The following ILF2 variants were observed in gnomAD, a reference collection of about 807,000 sequenced individuals.
The protein encoded by ILF2 is interleukin enhancer binding factor 2.
ILF2 carries 9 observed loss-of-function variants against 55.3 expected under a neutral mutation model. That is an observed-to-expected ratio of 0.16 (90% confidence interval 0.10 to 0.28). ILF2 has a LOEUF of 0.28. ILF2 is among the 10% of genes least tolerant of loss of function. The probability of loss-of-function intolerance (pLI) is 1.00; values close to 1 mark genes in which losing one functional copy is unlikely to be tolerated. For missense variants in ILF2, 266 were observed against 474.9 expected, an observed-to-expected ratio of 0.56 and a Z score of 4.09; for synonymous variants, 151 against 161.8, an observed-to-expected ratio of 0.93 and a Z score of 0.50.
intron 2 of ILF2, 77 bp downstream of exon 2, chr1:153,670,094 T>C: frequency 6.8e-7 from 1 of 1,461,950 alleles, no homozygotes; most frequent in Non-Finnish European, 9.6e-7. Flanking sequence ...GTGACATTAG[T>C]CTACTCTAAA....
chr1:153,664,154 A>G, intron 9 of ILF2, 24 bp from the exon 10 acceptor site: 1 of 1,428,458 alleles, frequency 7.0e-7, no homozygotes, highest in Non-Finnish European at 9.9e-7. Context: ...TGACCCAAAC[A>G]TTAAAATCAA....
rs762017351 is a variant in ILF2, at chr1:153,665,696, C to T, written c.427G>A (p.Val143Met). Residue 143 changes from valine (V) to methionine (M), a missense_variant, in exon 7 of 14, where the codon GTG becomes ATG. Physicochemically the swap from Val to Met is conservative, Grantham distance 21. Coordinates refer to ENST00000361891, the MANE Select transcript of ILF2 (RefSeq NM_004515.4). ...EAVAALGNKV[V>M]ESLRAQDPSE... ...GGATCCTGTGCTCTTAGGCTTTCCA[C>T]GACTTTGTTCCCCAGGGCAGCAACA... is the stretch of plus-strand genomic sequence containing the variant. 2.5e-6 allele frequency: 4 copies of T among 1,612,470 alleles called. No individual in the cohort carries two copies. Among genetic ancestry groups the T allele is most frequent in the East Asian group, 2.2e-5 (1 of 44,892 alleles).
Position 153,662,473 on chromosome 1 carries a change from CCTT to C in ILF2, c.1093_1095del (p.Lys365del). 6.2e-7 allele frequency: 1 copy of C among 1,613,694 alleles called. No individual in the cohort carries two copies. On this transcript the variant is annotated inframe_deletion, in exon 14 of 14. Transcript: ENST00000361891. ...GTATTCTCCTCTTCTTCCTCTCCTT[CCTT>C]CTTCTCTGGTGGCTTCTCATAAGCC...
chr1:153,666,855 C>T (rs568160856), intron 6 of ILF2, among the ~76,000 whole-genome samples: 3 of 152,360 alleles, frequency 2.0e-5, no homozygotes, highest in Middle Eastern at 6.8e-3. Flanking sequence ...GGTGCAGTGG[C>T]TCACGCCTGT....
intron 1 of ILF2, 58 bp downstream of exon 1, chr1:153,670,860 C>G: frequency 6.2e-7 from 1 of 1,608,980 alleles, no homozygotes; most frequent in Non-Finnish European, 8.5e-7. Context: ...TTTCGGCCCA[C>G]GTTCACAAAG....
chr1:153,662,842 T>C, intron 12 of ILF2, 47 bp from the exon 13 acceptor site: 1 of 1,495,920 alleles, frequency 6.7e-7, no homozygotes, highest in Non-Finnish European at 9.3e-7. Flanking sequence ...CAAAGGACCT[T>C]ATTTGAGTAA....
Position 153,663,124 on chromosome 1 carries a change from C to A in ILF2, c.816G>T (p.Leu272Phe). 1 of 1,614,124 alleles carries A rather than the reference C, an allele frequency of 6.2e-7. No individual in the cohort carries two copies. The highest frequency in any genetic ancestry group is 8.5e-7 in the Non-Finnish European group (1 of 1,180,004). Residue 272 changes from leucine to phenylalanine, a missense_variant, in exon 12 of 14, where the codon TTG (leucine) becomes TTT (phenylalanine). Physicochemically the swap from Leu to Phe is conservative, Grantham distance 22. Coordinates refer to ENST00000361891, the MANE Select transcript of ILF2 (RefSeq NM_004515.4). ...LALNVAYRRC[L>F]QILAAGLFLP... ...GGAACAGTCCTGCAGCCAGAATCTG[C>A]AAGCAGCGCCTAGAACACAGGGAGG...
Position 153,662,548 on chromosome 1 carries a change from A to T in ILF2, c.1021T>A (p.Ser341Thr), listed in dbSNP as rs2101711156. ...GQEGDASYLA[S>T]EISTWDGVIV... ...ACTCCATCCCAGGTAGATATTTCAG[A>T]AGCAAGATCTAGGAAAGAGAAAAAG... The change falls in exon 14 of 14, where the codon TCT becomes ACT. Residue 341 changes from serine (S) to threonine (T), a missense_variant. Transcript: ENST00000361891. The T allele has an allele frequency of 6.2e-7, 1 of 1,613,840 alleles. No homozygotes were observed. Among genetic ancestry groups the T allele is most frequent in the Admixed American group, 1.7e-5 (1 of 60,014 alleles).
chr1:153,664,781 C>A (rs1669266120), intron 8 of ILF2, among the ~76,000 whole-genome samples: 1 of 152,210 alleles, frequency 6.6e-6, no homozygotes, highest in Admixed American at 6.5e-5. Flanking sequence ...TGGTCTCCAA[C>A]TCCTGACCTC....
rs745682200 is a variant in ILF2, at chr1:153,670,909, C to T, written c.5+9G>A. The T allele has an allele frequency of 3.7e-6, 6 of 1,614,212 alleles. No individual in the cohort carries two copies. In the East Asian group the frequency reaches 1.3e-4, roughly 36 times the overall value. On this transcript the variant is annotated intron_variant, in intron 1 of 13. Coordinates refer to ENST00000361891, the MANE Select transcript of ILF2 (RefSeq NM_004515.4). ...ACCTGAAACCTTTCGACCGCTTCGACCCACTTACCTCATGGCGCCTTAAAA... is the reference window on the plus strand; with the variant it reads ...ACCTGAAACCTTTCGACCGCTTCGATCCACTTACCTCATGGCGCCTTAAAA...
At chr1:153,664,646 G>A (rs894913374) in intron 8 of ILF2, among the ~76,000 whole-genome samples, 172 bp from the exon 9 acceptor site, 3 of 152,128 alleles carry the variant, frequency 2.0e-5, no homozygotes, top group African/African-American at 4.8e-5. Flanking sequence ...TGCAACCTCC[G>A]CCTCCCGGGT....
intron 8 of ILF2, 56 bp from the exon 9 acceptor site, chr1:153,664,530 C>G: frequency 7.6e-7 from 1 of 1,316,242 alleles, no homozygotes; most frequent in Non-Finnish European, 1.1e-6. Context: ...ACAAGCTACT[C>G]ATTACCACTG....
In ILF2 at chr1:153,668,093, AAAC is replaced by A; in HGVS notation, c.214-19_214-17del. 1.3e-6 allele frequency: 2 copies of A among 1,546,316 alleles called. No individual in the cohort carries two copies. The highest frequency in any genetic ancestry group is 1.8e-6 in the Non-Finnish European group (2 of 1,132,510). ...GGATAGATGCCTGAAAAACAGTATGAAACAATACTTGAAAATGAAAAATTATAA... is the reference window on the plus strand; with the variant it reads ...GGATAGATGCCTGAAAAACAGTATGAAATACTTGAAAATGAAAAATTATAA... On this transcript the variant is annotated splice_polypyrimidine_tract_variant and intron_variant, in intron 4 of 13. Transcript: ENST00000361891.
rs770344165 is a variant in ILF2 at position 153,670,944 on chromosome 1, T to C, written c.-22A>G. ...TCATGGCGCCTTAAAACACGAACAA[T>C]GGAGGCCGCACCAACCGCCCCTTCC... On this transcript the variant is annotated 5_prime_UTR_variant, in exon 1 of 14. Coordinates refer to ENST00000361891, the MANE Select transcript of ILF2 (RefSeq NM_004515.4). 3.5e-5 allele frequency: 56 copies of C among 1,614,024 alleles called. No individual in the cohort carries two copies. The highest frequency in any genetic ancestry group is 1.6e-4 in the East Asian group (7 of 44,902).
chr1:153,668,618 T>C (rs1474909933), intron 3 of ILF2, 61 bp from the exon 4 acceptor site: 2 of 1,523,848 alleles, frequency 1.3e-6, no homozygotes, highest in African/African-American at 2.8e-5. Flanking sequence ...GAGAGATTGT[T>C]TTTTCTATTA....
At chr1:153,664,578 C>T (rs1571334712) in intron 8 of ILF2, 104 bp from the exon 9 acceptor site, 11 of 885,520 alleles carry the variant, frequency 1.2e-5, no homozygotes, top group South Asian at 4.1e-5. Flanking sequence ...GCAGGATAGA[C>T]GGAGTCTCGC....
At chr1:153,664,299 A>G in intron 9 of ILF2, 97 bp downstream of exon 9, 1 of 1,151,444 alleles carries the variant, frequency 8.7e-7, no homozygotes, top group Non-Finnish European at 1.3e-6. Context: ...ACGAGGTCAC[A>G]GGCAAAATAG....
At chr1:153,665,485 CA>C in intron 7 of ILF2, 149 bp from the exon 8 acceptor site, 1 of 755,698 alleles carries the variant, frequency 1.3e-6, no homozygotes, top group Non-Finnish European at 2.3e-6. Flanking sequence ...GAAGGGAGAT[CA>C]AACAGATCTC....
intron 7 of ILF2, 56 bp downstream of exon 7, chr1:153,665,601 CTTACAA>C (rs758127517): frequency 8.9e-6 from 12 of 1,342,484 alleles, no homozygotes; most frequent in Admixed American, 5.0e-5. Flanking sequence ...TGAAAGTGTA[CTTACAA>C]TTACAAGACC....
Sources: gnomAD v4.1 joint callset for allele counts (sites outside exome capture counted in the v4.1 genomes callset) on GRCh38, gnomAD v4.1.1 for gene constraint, MANE v1.5 for transcripts, NCBI Gene and HGNC (gene_info 2026-07-23, HGNC 2026-07-21) for gene names.